Variants in ABCC6 observed in about 807,000 individuals in gnomAD.
ABCC6 encodes the protein ATP binding cassette subfamily C member 6, also known as ATP-binding cassette sub-family C member 6.
Under a neutral mutation model 169.5 loss-of-function variants are expected in ABCC6, and 126 were observed. That is an observed-to-expected ratio of 0.74 (90% CI 0.64 to 0.86). ABCC6 has a LOEUF of 0.86. Ranked by LOEUF, ABCC6 falls within the 40% of genes least tolerant of loss-of-function variation. The pLI is 0.00. For missense variants in ABCC6, 1,733 were observed against 1,927.2 expected (o/e 0.90, Z 1.89); for synonymous variants, 752 against 814.7 (o/e 0.92, Z 1.31).
intron 27 of ABCC6, 109 bp from the exon 28 acceptor site, chr16:16,155,140 T>G (rs2046507897): frequency 7.7e-7 from 1 of 1,305,782 alleles, no homozygotes; most frequent in Non-Finnish European, 1.1e-6. Context: ...CCTCATTGTG[T>G]AAAGGTCTAC....
At chr16:16,200,387 C>T (rs79967927) in intron 9 of ABCC6, among the ~76,000 whole-genome samples, 51,529 of 146,368 alleles carry the variant, frequency 0.35, 9,742 homozygotes, top group Admixed American at 0.43. Flanking sequence ...CGGGACTGTG[C>T]CACTGCACTC....
In ABCC6 at chr16:16,185,034, G is replaced by A; in HGVS notation, c.1868C>T (p.Ala623Val). The change falls in exon 15 of 31, where the codon GCT becomes GTT. Residue 623 changes from alanine to valine, a missense_variant and splice_region_variant. By Grantham distance (64) the Ala-to-Val change is moderately conservative. This residue lies in a region of ABCC6 where 1,601 missense variants were observed against 1,635.5 expected (regional missense o/e 0.98). Transcript: ENST00000205557. The stretch of plus-strand genomic sequence containing the variant: ...TATGGTGATGCAATCCTTCCCGGCA[G>A]CTGCAGGGCACAAGAGGCCATTTAC... The part of the protein sequence containing the change: ...GVVDSSSSGS[A>V]AGKDCITIHS... 1 of 1,613,430 alleles carries A rather than the reference G, an allele frequency of 6.2e-7. No individual in the cohort carries two copies.
In ABCC6 at chr16:16,177,666, G is replaced by A. The variant is rs186332481; in HGVS notation, c.2416-40C>T. 3.9e-4 allele frequency: 633 copies of A among 1,610,454 alleles called. 2 individuals are homozygous for A. Among genetic ancestry groups the A allele is most frequent in the South Asian group, 3.3e-3 (302 of 91,020 alleles). On this transcript the variant is annotated intron_variant, in intron 18 of 30. Transcript: ENST00000205557. ...GGTAGAAGTTACACACATGTGGCCG[G>A]GTGCAGTGGCTCATGCCTGTAATCC...
Position 16,188,979 on chromosome 16 carries a change from G to A in ABCC6, c.1636-5C>T, listed in dbSNP as rs771552185. ...AGCAAACACCACCAGTGCGACCTGG[G>A]GGGTGGGGGGGACACGTGGGGCAAC... On this transcript the variant is annotated splice_region_variant and splice_polypyrimidine_tract_variant and intron_variant, in intron 12 of 30. Coordinates refer to ENST00000205557, the MANE Select transcript of ABCC6 (RefSeq NM_001171.6). The A allele has an allele frequency of 1.2e-6, 2 of 1,613,660 alleles. No homozygotes were observed. Among genetic ancestry groups the A allele is most frequent in the African/African-American group, 1.3e-5 (1 of 74,932 alleles).
At chr16:16,185,087 G>A (rs1365108692) in intron 14 of ABCC6, 53 bp from the exon 15 acceptor site, 2 of 1,521,526 alleles carry the variant, frequency 1.3e-6, no homozygotes, top group African/African-American at 1.4e-5. Context: ...GCCGGCCTCT[G>A]CATCGGAGAG....
intron 14 of ABCC6, 45 bp from the exon 15 acceptor site, chr16:16,185,079 C>A: frequency 1.3e-6 from 2 of 1,581,758 alleles, no homozygotes; most frequent in Non-Finnish European, 1.7e-6. Flanking sequence ...CTGACCTGGC[C>A]GGCCTCTGCA....
rs2049007373 is a variant in ABCC6, at chr16:16,219,612, T to TA, written c.415dup (p.Tyr139LeufsTer57). 6.7e-7 allele frequency: 1 copy of TA among 1,486,268 alleles called. No homozygotes were observed. Among genetic ancestry groups the TA allele is most frequent in the Non-Finnish European group, 9.2e-7 (1 of 1,088,392 alleles). 92.1% of individuals were successfully genotyped at this position (1,486,268 alleles called of 1,614,324 possible). On this transcript the variant is annotated frameshift_variant, in exon 4 of 31. Transcript: ENST00000205557. LOFTEE classifies it high-confidence loss of function. ...TGGCAAGACAAAGCAGAGAAGCCAG[T>TA]AACCAAACAGCACTCCAGATGACTG...
Position 16,186,975 on chromosome 16 carries a change from G to C in ABCC6, c.1867+149C>G. ...AGCAGCACGGTGCCAGTTTCCAAGT[G>C]ACACGCAGATGGCGTGATCTGCACG... On this transcript the variant is annotated intron_variant, in intron 14 of 30. Transcript: ENST00000205557. 2.8e-5 allele frequency: 20 copies of C among 709,512 alleles called. 1 individual carries two copies. The South Asian group carries it at 3.2e-4, about 11-fold the overall frequency. The allele number at this position is 709,512 out of a possible 1,614,324, so 44.0% of individuals were successfully genotyped here. A position where few individuals can be genotyped will look rare whatever the true frequency, so the allele number is the denominator to read the frequency against.
chr16:16,181,745 C>T (rs2047479356), intron 17 of ABCC6: 1 of 154,184 alleles, frequency 6.5e-6, no homozygotes, highest in Non-Finnish European at 1.4e-5. Context: ...CCAGCCTGGC[C>T]AACATGGTGA....
At chr16:16,200,361 G>A (rs1424192396) in intron 9 of ABCC6, among the ~76,000 whole-genome samples, 5 of 151,056 alleles carry the variant, frequency 3.3e-5, no homozygotes, top group African/African-American at 9.7e-5. Flanking sequence ...CCCAGGGGGC[G>A]GAGGTTGTAG....
chr16:16,181,075 G>A (rs991699579), intron 17 of ABCC6, among the ~76,000 whole-genome samples: 1 of 152,082 alleles, frequency 6.6e-6, no homozygotes, highest in Non-Finnish European at 1.5e-5. Context: ...AGGCGGAGCT[G>A]GGTGGATCAC....
chr16:16,180,834 C>T (rs2047442208), intron 17 of ABCC6, among the ~76,000 whole-genome samples: 1 of 152,176 alleles, frequency 6.6e-6, no homozygotes, highest in Non-Finnish European at 1.5e-5. Flanking sequence ...ATAACCACTG[C>T]CTCGTTATCA....
Position 16,159,436 on chromosome 16 carries a change from A to C in ABCC6, c.3735+46T>G, listed in dbSNP as rs2046643251. 4 of 1,076,346 alleles carry C rather than the reference A, an allele frequency of 3.7e-6. No individual in the cohort carries two copies. The African/African-American group carries it at 5.3e-5, about 14-fold the overall frequency. The allele number at this position is 1,076,346 out of a possible 1,614,324, so 66.7% of individuals were successfully genotyped here. The stretch of plus-strand genomic sequence containing the variant: ...CAACAGGGACCCATTGCCCCCCCCC[A>C]CAATATGTCCTTGCTGGGACCCCCT... On this transcript the variant is annotated intron_variant, in intron 26 of 30. Coordinates refer to ENST00000205557, the MANE Select transcript of ABCC6 (RefSeq NM_001171.6).
chr16:16,163,160 T>C lies in ABCC6; in HGVS notation c.3339A>G (p.Arg1113=). ...ACGAGTAGCTGGCTGACTCCAAGCGTCTCAGCTGGCATGAGCTAACCACAT... is the reference window on the plus strand; with the variant it reads ...ACGAGTAGCTGGCTGACTCCAAGCGCCTCAGCTGGCATGAGCTAACCACAT... ...SLYVVSSCQL[R]RLESASYSSV... is the part of the protein sequence containing the mutation. Residue 1113 remains arginine (R), a synonymous_variant, in exon 24 of 31, where the codon AGA becomes AGG. Transcript: ENST00000205557. 1 of 1,613,592 alleles carries C rather than the reference T, an allele frequency of 6.2e-7. No homozygotes were observed. The highest frequency in any genetic ancestry group is 2.2e-5 in the East Asian group (1 of 44,884).
intron 1 of ABCC6, among the ~76,000 whole-genome samples, chr16:16,222,669 G>C (rs1166151249): frequency 6.6e-6 from 1 of 151,734 alleles, no homozygotes; most frequent in Non-Finnish European, 1.5e-5. Context: ...AAGAGCCACC[G>C]GCCCAGCTTG....
At chr16:16,170,798 A>G (rs2047034264) in intron 21 of ABCC6, among the ~76,000 whole-genome samples, 1 of 151,454 alleles carries the variant, frequency 6.6e-6, no homozygotes, top group Non-Finnish European at 1.5e-5. Flanking sequence ...AGGCACCTGT[A>G]GTCCCAGCTA....
In ABCC6 at chr16:16,190,278, C is replaced by G. The variant is rs561552566; in HGVS notation, c.1521G>C (p.Glu507Asp). The change falls in exon 12 of 31, where the codon GAG becomes GAC. Residue 507 changes from glutamate to aspartate, a missense_variant. By Grantham distance (45) the Glu-to-Asp change is conservative (BLOSUM62 2). Coordinates refer to ENST00000205557, the MANE Select transcript of ABCC6 (RefSeq NM_001171.6). ...CCAGGACTCTGTCCAGAAAGGCTCC[C>G]TCCCAGCCATGGAACTTGATGGTCT... ...NSKTIKFHGW[E>D]GAFLDRVLGI... is the part of the protein sequence containing the mutation. 2 of 1,614,152 alleles carry G rather than the reference C, an allele frequency of 1.2e-6. No individual in the cohort carries two copies. Among genetic ancestry groups the G allele is most frequent in the South Asian group, 1.1e-5 (1 of 91,080 alleles).
In ABCC6 at chr16:16,197,879, C is replaced by G. The variant is rs1035459753; in HGVS notation, c.1338+142G>C. 1.8e-5 allele frequency: 18 copies of G among 1,000,506 alleles called. No individual in the cohort carries two copies. The South Asian group carries it at 2.3e-4, about 13-fold the overall frequency. 62.0% of individuals were successfully genotyped at this position (1,000,506 alleles called of 1,614,324 possible). On this transcript the variant is annotated intron_variant, in intron 10 of 30. Transcript: ENST00000205557. ...GGTTCTCCCACAGCCTCAGACTTGC[C>G]CTAACCCTGGGGTCACAGCGGACCT...
At chr16:16,155,058 G>A (rs1160709352) in intron 27 of ABCC6, 27 bp from the exon 28 acceptor site, 2 of 1,544,180 alleles carry the variant, frequency 1.3e-6, no homozygotes, top group African/African-American at 2.7e-5. Flanking sequence ...GGAAAGGCCT[G>A]CTCTGACCAG....
Sources: allele counts gnomAD v4.1 joint callset (sites outside exome capture counted in the v4.1 genomes callset), GRCh38; gene constraint gnomAD v4.1.1; regional missense constraint gnomAD v4.1.1; transcripts MANE v1.5; gene names NCBI Gene and HGNC (gene_info 2026-07-23, HGNC 2026-07-21).